Variants in TMCC3 observed in about 807,000 individuals in gnomAD.
TMCC3 encodes transmembrane and coiled-coil domain protein 3.
TMCC3 carries 28 observed loss-of-function variants against 40.2 expected under a neutral mutation model. The observed-to-expected ratio is 0.70, with a 90% CI of 0.52 to 0.95. The LOEUF (loss-of-function observed/expected upper bound fraction) is 0.95. Among genes scored for constraint, TMCC3 ranks in the 40% least tolerant of loss-of-function variants. The probability of loss-of-function intolerance (pLI) is 0.00; values close to 1 mark genes in which losing one functional copy is unlikely to be tolerated. For synonymous variants in TMCC3, 255 were observed against 248.5 expected, an observed-to-expected ratio of 1.03 and a Z score of -0.25; for missense variants, 554 against 615.2, an observed-to-expected ratio of 0.90 and a Z score of 1.05.
chr12:94,586,199 A>G, intron 1 of TMCC3, among the ~76,000 whole-genome samples: 1 of 152,230 alleles, frequency 6.6e-6, no homozygotes, highest in East Asian at 1.9e-4. Context: ...ACAAATAAGG[A>G]CTTTAAAACT....
intron 1 of TMCC3, among the ~76,000 whole-genome samples, chr12:94,611,567 T>G (rs2068815930): frequency 1.3e-5 from 2 of 152,144 alleles, no homozygotes; most frequent in Non-Finnish European, 2.9e-5. Flanking sequence ...AGTTGTCCCT[T>G]GGAATCCATG....
chr12:94,641,633 G>A (rs180852827), intron 1 of TMCC3, among the ~76,000 whole-genome samples: 141 of 152,176 alleles, frequency 9.3e-4, no homozygotes, highest in African/African-American at 3.3e-3. Context: ...TGGGTTTAAG[G>A]GTTGTGTTAT....
At position 94,571,581 on chromosome 12, in the gene TMCC3, A is replaced by G; in HGVS notation, c.1288T>C (p.Ser430Pro). Residue 430 changes from serine to proline, a missense_variant, in exon 4 of 4, where the codon TCC becomes CCC. Physicochemically the swap from Ser to Pro is moderately conservative, Grantham distance 74 (BLOSUM62 -1). Transcript: ENST00000261226. ...GGTGAGACGAACTTCGCGATGGTGG[A>G]CACACACACTAAGATGACAGTCATG... is the stretch of plus-strand genomic sequence containing the variant. ...AFMTVILVCV[S>P]TIAKFVSPMM... 2 of 1,614,146 alleles carry G rather than the reference A, an allele frequency of 1.2e-6. No homozygotes were observed. Among genetic ancestry groups the G allele is most frequent in the Non-Finnish European group, 1.7e-6 (2 of 1,180,008 alleles).
chr12:94,614,831 T>C (rs998185864), intron 1 of TMCC3, among the ~76,000 whole-genome samples: 2 of 150,824 alleles, frequency 1.3e-5, no homozygotes, highest in Non-Finnish European at 1.5e-5. Flanking sequence ...AGTGGCGCGA[T>C]CTCAGCTCAC....
intron 1 of TMCC3, among the ~76,000 whole-genome samples, chr12:94,605,817 GA>G (rs71970901): frequency 0.061 from 9,323 of 152,124 alleles, 612 homozygotes; most frequent in African/African-American, 0.16. Flanking sequence ...TTTATGGACT[GA>G]AAAGAGAAAT....
At chr12:94,623,203 T>C (rs895879117) in intron 1 of TMCC3, among the ~76,000 whole-genome samples, 6 of 151,652 alleles carry the variant, frequency 4.0e-5, no homozygotes, top group Admixed American at 3.9e-4. Flanking sequence ...TCCTGTGTTC[T>C]GGACCTGGAC....
chr12:94,586,432 G>C (rs1291545637), intron 1 of TMCC3, among the ~76,000 whole-genome samples: 4 of 152,126 alleles, frequency 2.6e-5, no homozygotes. Context: ...CATTAGTTTT[G>C]CCTGTTGTAT....
At chr12:94,598,866 G>T in intron 1 of TMCC3, 1 of 744,230 alleles carries the variant, frequency 1.3e-6, no homozygotes, top group Non-Finnish European at 1.6e-6. Context: ...ACTGTATCAT[G>T]ACCCTTCTTA....
chr12:94,595,585 T>G (rs764852144), intron 1 of TMCC3, among the ~76,000 whole-genome samples: 1 of 152,234 alleles, frequency 6.6e-6, no homozygotes, highest in African/African-American at 2.4e-5. Context: ...TAACAAATAC[T>G]GGAGGGAAAA....
chr12:94,589,388 C>A (rs1226850440), intron 1 of TMCC3, among the ~76,000 whole-genome samples: 1 of 152,158 alleles, frequency 6.6e-6, no homozygotes. Context: ...AGTGAGGGGA[C>A]CCAGGTTACG....
intron 1 of TMCC3, among the ~76,000 whole-genome samples, chr12:94,612,683 T>C (rs1320694301): frequency 6.6e-6 from 1 of 152,196 alleles, no homozygotes; most frequent in Non-Finnish European, 1.5e-5. Context: ...AATAATGTTA[T>C]CTCCTTAAGG....
At position 94,569,834 on chromosome 12, in the gene TMCC3, T is replaced by C. The variant is rs1000408465; in HGVS notation, c.*1601A>G. ...TTTGAATCCAGGGGGACCTGATGTC[T>C]CCTGGAAGAAAACGTACACTCACAT... On this transcript the variant is annotated 3_prime_UTR_variant, in exon 4 of 4. Coordinates refer to ENST00000261226, the MANE Select transcript of TMCC3 (RefSeq NM_020698.4). 3.9e-5 allele frequency: 6 copies of C among 152,238 alleles called. No homozygotes were observed. The highest frequency in any genetic ancestry group is 1.4e-4 in the African/African-American group (6 of 41,466). The allele number at this position is 152,238 out of a possible 1,614,324, so 9.4% of individuals were successfully genotyped here. A position where few individuals can be genotyped will look rare whatever the true frequency, so the allele number is the denominator to read the frequency against.
At position 94,567,255 on chromosome 12, in the gene TMCC3, A is replaced by G. The variant is rs1301077331; in HGVS notation, c.*4180T>C. ...GGTGAAGATCTACAGGGAATTTACA[A>G]TTTTAGGCTGACATGAAACTAAGTA... On this transcript the variant is annotated 3_prime_UTR_variant, in exon 4 of 4. Coordinates refer to ENST00000261226, the MANE Select transcript of TMCC3 (RefSeq NM_020698.4). The G allele has an allele frequency of 6.6e-6, 1 of 152,216 alleles. No individual in the cohort carries two copies. The highest frequency in any genetic ancestry group is 6.5e-5 in the Admixed American group (1 of 15,282). The allele number at this position is 152,216 out of a possible 1,614,324, so 9.4% of individuals were successfully genotyped here. A position where few individuals can be genotyped will look rare whatever the true frequency, so the allele number is the denominator to read the frequency against.
chr12:94,576,221 G>A (rs1181169597), intron 3 of TMCC3, among the ~76,000 whole-genome samples: 1 of 152,224 alleles, frequency 6.6e-6, no homozygotes, highest in Admixed American at 6.5e-5. Context: ...TTTCCCATCA[G>A]CTCTGATGTG....
chr12:94,619,514 T>C (rs932285781), intron 1 of TMCC3, among the ~76,000 whole-genome samples: 6 of 152,212 alleles, frequency 3.9e-5, no homozygotes, highest in African/African-American at 1.2e-4. Flanking sequence ...CTGTGGTTAG[T>C]AGACATGGAT....
Position 94,569,459 on chromosome 12 carries a change from A to C in TMCC3, c.*1976T>G, listed in dbSNP as rs1225992152. On this transcript the variant is annotated 3_prime_UTR_variant, in exon 4 of 4. Transcript: ENST00000261226. ...GTAGACCAGGGGGAGTCTGACAATG[A>C]AAGGAGAGACAGCCATGAGATCAGG... The C allele has an allele frequency of 1.3e-5, 2 of 152,252 alleles. No individual in the cohort carries two copies. The highest frequency in any genetic ancestry group is 1.9e-4 in the East Asian group (1 of 5,204). 9.4% of individuals were successfully genotyped at this position (152,252 alleles called of 1,614,324 possible). A position where few individuals can be genotyped will look rare whatever the true frequency, so the allele number is the denominator to read the frequency against.
At chr12:94,594,655 C>T (rs191350955) in intron 1 of TMCC3, among the ~76,000 whole-genome samples, 1 of 152,178 alleles carries the variant, frequency 6.6e-6, no homozygotes. Flanking sequence ...CTGGGAGAAC[C>T]GCCCCCAGGA....
intron 1 of TMCC3, among the ~76,000 whole-genome samples, chr12:94,627,163 T>A (rs1026990713): frequency 6.6e-6 from 1 of 152,120 alleles, no homozygotes; most frequent in Non-Finnish European, 1.5e-5. Context: ...GCCACACTTA[T>A]GGAAACTGAA....
chr12:94,572,871 G>A (rs992444237), intron 3 of TMCC3, among the ~76,000 whole-genome samples: 9 of 152,090 alleles, frequency 5.9e-5, no homozygotes, highest in Non-Finnish European at 1.2e-4. Context: ...GCTTTCACCT[G>A]CTCTCTGAAC....
Sources: gnomAD v4.1 joint callset for allele counts (sites outside exome capture counted in the v4.1 genomes callset) on GRCh38, gnomAD v4.1.1 for gene constraint, MANE v1.5 for transcripts, NCBI Gene and HGNC (gene_info 2026-07-23, HGNC 2026-07-21) for gene names.